PIK3C2G: variants seen among roughly 807,000 people sequenced by gnomAD.
PIK3C2G encodes phosphatidylinositol 3-kinase C2 domain-containing subunit gamma.
Under a neutral mutation model 181.1 loss-of-function variants are expected in PIK3C2G, and 168 were observed. That is an observed-to-expected ratio of 0.93 (90% CI 0.82 to 1.05). The LOEUF is 1.05. Ranked by LOEUF, PIK3C2G falls within the 50% of genes least tolerant of loss-of-function variation. The pLI is 0.00. For missense variants in PIK3C2G, 1,869 were observed against 1,732.8 expected (o/e 1.08, Z -1.40); for synonymous variants, 573 against 592.2 (o/e 0.97, Z 0.47).
intron 16 of PIK3C2G, among the ~76,000 whole-genome samples, chr12:18,418,412 C>T (rs1945297970): frequency 6.6e-6 from 1 of 152,196 alleles, no homozygotes; most frequent in South Asian, 2.1e-4. Flanking sequence ...ATGAGCCAGA[C>T]TGGTTCAGTG....
chr12:18,589,973 A>G (rs1017521861), intron 29 of PIK3C2G, among the ~76,000 whole-genome samples: 6 of 152,004 alleles, frequency 3.9e-5, no homozygotes, highest in African/African-American at 1.4e-4. Context: ...CTTCACTTCT[A>G]TAGTCCATTT....
intron 12 of PIK3C2G, among the ~76,000 whole-genome samples, chr12:18,370,381 C>T (rs1439995954): frequency 6.6e-6 from 1 of 152,036 alleles, no homozygotes; most frequent in Non-Finnish European, 1.5e-5. Flanking sequence ...ATCTATAATC[C>T]ATCCAGGATC....
chr12:18,535,580 T>C (rs1440141649), intron 24 of PIK3C2G, among the ~76,000 whole-genome samples: 1 of 151,982 alleles, frequency 6.6e-6, no homozygotes, highest in Non-Finnish European at 1.5e-5. Flanking sequence ...ATTCTCCTTA[T>C]TGAAAAGAGA....
At chr12:18,623,019 C>A (rs145690733) in intron 31 of PIK3C2G, among the ~76,000 whole-genome samples, 10 of 151,720 alleles carry the variant, frequency 6.6e-5, no homozygotes, top group Admixed American at 3.3e-4. Flanking sequence ...TTTATTGTTT[C>A]TTTTGCTGTG....
At chr12:18,259,161 G>A (rs1012204401), upstream of PIK3C2G, among the ~76,000 whole-genome samples, 4 of 152,064 alleles carry the variant, frequency 2.6e-5, no homozygotes, top group African/African-American at 9.7e-5. Flanking sequence ...CAGAAATCTT[G>A]TCGGTCTTTT....
At chr12:18,518,111 T>C (rs976795507) in intron 24 of PIK3C2G, among the ~76,000 whole-genome samples, 34 of 152,196 alleles carry the variant, frequency 2.2e-4, no homozygotes, top group Admixed American at 2.2e-3. Flanking sequence ...GATAAGCTTT[T>C]TGATACGCTG....
intron 5 of PIK3C2G, among the ~76,000 whole-genome samples, chr12:18,302,367 A>G (rs143608943): frequency 7.8e-4 from 119 of 152,286 alleles, no homozygotes; most frequent in Non-Finnish European, 1.5e-3. Context: ...GGGCAAGCCA[A>G]TCCCTAAGTC....
intron 26 of PIK3C2G, among the ~76,000 whole-genome samples, chr12:18,560,050 C>G (rs1209307611): frequency 1.3e-5 from 2 of 151,220 alleles, no homozygotes; most frequent in Non-Finnish European, 2.9e-5. Flanking sequence ...TCACTGGTCT[C>G]AAACTCCTGA....
At chr12:18,306,305 T>G (rs898580571) in intron 5 of PIK3C2G, among the ~76,000 whole-genome samples, 1 of 152,042 alleles carries the variant, frequency 6.6e-6, no homozygotes, top group Non-Finnish European at 1.5e-5. Flanking sequence ...CCATACAGGA[T>G]TTTTGTTCAA....
chr12:18,242,974 G>A (rs140211746), upstream of PIK3C2G, among the ~76,000 whole-genome samples: 90 of 152,158 alleles, frequency 5.9e-4, 1 homozygote, highest in African/African-American at 2.0e-3. Context: ...CATTAAACAC[G>A]AAACGAGCCT....
chr12:18,646,370 G>T (rs370221055), intron 32 of PIK3C2G, among the ~76,000 whole-genome samples: 1 of 152,126 alleles, frequency 6.6e-6, no homozygotes, highest in African/African-American at 2.4e-5. Context: ...TGGAAGAAGA[G>T]GTAGCCAAGA....
chr12:18,414,371 C>T (rs1301919231), intron 16 of PIK3C2G, among the ~76,000 whole-genome samples: 1 of 152,060 alleles, frequency 6.6e-6, no homozygotes, highest in African/African-American at 2.4e-5. Flanking sequence ...TTAAAGTAAT[C>T]TATGACACCT....
At chr12:18,580,617 G>C in intron 29 of PIK3C2G, among the ~76,000 whole-genome samples, 1 of 152,126 alleles carries the variant, frequency 6.6e-6, no homozygotes, top group Non-Finnish European at 1.5e-5. Context: ...AAATGTTGAT[G>C]ACATTTTAAA....
At chr12:18,316,457 G>C (rs1390762783) in intron 6 of PIK3C2G, among the ~76,000 whole-genome samples, 3 of 152,100 alleles carry the variant, frequency 2.0e-5, no homozygotes, top group Admixed American at 2.0e-4. Context: ...TATGCCATTT[G>C]AATCACAGTG....
At chr12:18,419,693 C>T (rs773476708) in intron 16 of PIK3C2G, among the ~76,000 whole-genome samples, 6 of 152,266 alleles carry the variant, frequency 3.9e-5, no homozygotes, top group Non-Finnish European at 8.8e-5. Context: ...TGGAAATGTA[C>T]TTGCAGGTCA....
At chr12:18,643,028 C>G (rs1949922309) in intron 32 of PIK3C2G, among the ~76,000 whole-genome samples, 1 of 151,836 alleles carries the variant, frequency 6.6e-6, no homozygotes, top group Non-Finnish European at 1.5e-5. Context: ...CTTCTCAGAC[C>G]CTGTGTTAGG....
chr12:18,298,173 T>A (rs1335305454), intron 5 of PIK3C2G, among the ~76,000 whole-genome samples: 1 of 151,956 alleles, frequency 6.6e-6, no homozygotes, highest in Admixed American at 6.6e-5. Flanking sequence ...TTTCTCTGCA[T>A]CCTTGCCAGC....
chr12:18,281,892 G>T (rs1245736747), intron 1 of PIK3C2G, 112 bp from the exon 2 acceptor site: 2 of 542,636 alleles, frequency 3.7e-6, no homozygotes, highest in African/African-American at 1.9e-5. Flanking sequence ...TATTTCACTT[G>T]CTAAAAAAAA....
chr12:18,622,545 C>T (rs953123804), intron 31 of PIK3C2G, among the ~76,000 whole-genome samples: 14 of 151,672 alleles, frequency 9.2e-5, no homozygotes, highest in African/African-American at 1.5e-4. Flanking sequence ...TTCAACATAC[C>T]GGTTTCAAAT....
Sources: allele counts gnomAD v4.1 joint callset (sites outside exome capture counted in the v4.1 genomes callset), GRCh38; gene constraint gnomAD v4.1.1; transcripts MANE v1.5; gene names NCBI Gene and HGNC (gene_info 2026-07-23, HGNC 2026-07-21).